CRACR2A: variants seen among roughly 807,000 people sequenced by gnomAD.
CRACR2A encodes the protein EF-hand calcium-binding domain-containing protein 4B.
A neutral mutation model predicts 90.5 loss-of-function variants in CRACR2A; 79 were observed. The ratio of observed to expected loss-of-function variants is 0.87; its 90% CI spans 0.73 to 1.05. CRACR2A has a LOEUF of 1.05. Ranked by LOEUF, CRACR2A falls within the 50% of genes least tolerant of loss-of-function variation. CRACR2A has a pLI of 0.00. For synonymous variants in CRACR2A, 338 were observed against 356.7 expected, an observed-to-expected ratio of 0.95 and a Z score of 0.59; for missense variants, 823 against 897.2, an observed-to-expected ratio of 0.92 and a Z score of 1.06.
chr12:3,751,786 T>TG (rs1946708806), intron 1 of CRACR2A, among the ~76,000 whole-genome samples: 1 of 106,916 alleles, frequency 9.4e-6, no homozygotes, highest in Non-Finnish European at 2.1e-5. Flanking sequence ...AAGCCGTACC[T>TG]GAAGCCTCTC....
chr12:3,735,355 G>C lies in CRACR2A; in HGVS notation c.-386-2145C>G, dbSNP rs1020533437. ...AAAGAAGGGTGCGGGGAGACCTGGC[G>C]CTGGGAGAGTGTTAGCAAAATGCTC... On this transcript the variant is annotated intron_variant, in intron 1 of 19. Transcript: ENST00000440314. Among the ~76,000 whole-genome samples, 5 of 152,200 alleles carry C rather than the reference G, an allele frequency of 3.3e-5. 1 individual carries two copies. In the South Asian group the frequency reaches 1.0e-3, roughly 32 times the overall value.
At chr12:3,734,529 TC>T (rs1311475793) in intron 1 of CRACR2A, among the ~76,000 whole-genome samples, 5 of 152,162 alleles carry the variant, frequency 3.3e-5, no homozygotes, top group African/African-American at 1.2e-4. Flanking sequence ...ATCTCCGCAC[TC>T]CCGTGTTCAC....
chr12:3,626,336 A>T (rs925933054), intron 17 of CRACR2A, among the ~76,000 whole-genome samples: 1 of 152,252 alleles, frequency 6.6e-6, no homozygotes, highest in Non-Finnish European at 1.5e-5. Context: ...CCATTCATTC[A>T]TCCAGGAGTT....
rs1945393267 is a variant in CRACR2A at position 3,679,004 on chromosome 12, C to A, written c.435G>T (p.Gly145=). Residue 145 remains glycine, a synonymous_variant, in exon 6 of 20, where the codon GGG becomes GGT. Coordinates refer to ENST00000440314, the MANE Select transcript of CRACR2A (RefSeq NM_001144958.2). ...RHEEKVYLSR[G]DEDLGDMGED... is the part of the protein sequence containing the mutation. ...CGCCCATGTCGCCCAGATCCTCATC[C>A]CCTCTGGACAGATACACCTTCTCTT... 4 of 1,614,000 alleles carry A rather than the reference C, an allele frequency of 2.5e-6. No individual in the cohort carries two copies. Among genetic ancestry groups the A allele is most frequent in the Non-Finnish European group, 3.4e-6 (4 of 1,179,996 alleles).
intron 9 of CRACR2A, among the ~76,000 whole-genome samples, chr12:3,655,167 C>T (rs529821603): frequency 1.4e-4 from 21 of 152,202 alleles, no homozygotes; most frequent in African/African-American, 5.1e-4. Flanking sequence ...AGGAATTTGG[C>T]GTGATTCTCA....
At chr12:3,726,428 C>T (rs1946265695) in intron 2 of CRACR2A, 2 of 152,000 alleles carry the variant, frequency 1.3e-5, no homozygotes, top group South Asian at 4.2e-4. Context: ...CTTCCACCTA[C>T]CTATAATGGT....
At chr12:3,735,215 G>C (rs10774167) in intron 1 of CRACR2A, among the ~76,000 whole-genome samples, 2 of 151,940 alleles carry the variant, frequency 1.3e-5, no homozygotes, top group Admixed American at 1.3e-4. Flanking sequence ...CCTCAATAAA[G>C]CTGGAAGAAA....
chr12:3,650,123 G>GC (rs1419310417), intron 10 of CRACR2A, among the ~76,000 whole-genome samples: 2 of 152,176 alleles, frequency 1.3e-5, no homozygotes, highest in Non-Finnish European at 2.9e-5. Flanking sequence ...CATCTCGCAA[G>GC]TTGATACAGG....
chr12:3,623,431 T>C (rs1046794901), intron 17 of CRACR2A, among the ~76,000 whole-genome samples: 1 of 152,102 alleles, frequency 6.6e-6, no homozygotes, highest in African/African-American at 2.4e-5. Context: ...CTGCAGACAC[T>C]GGGGGCCAGC....
intron 4 of CRACR2A, among the ~76,000 whole-genome samples, chr12:3,682,537 T>G (rs2137628161): frequency 6.6e-6 from 1 of 152,282 alleles, no homozygotes; most frequent in South Asian, 2.1e-4. Context: ...AAGTAATTCT[T>G]ACTACTCAAG....
chr12:3,651,727 A>G (rs1178419091), intron 10 of CRACR2A, among the ~76,000 whole-genome samples: 3 of 152,164 alleles, frequency 2.0e-5, no homozygotes, highest in African/African-American at 7.2e-5. Flanking sequence ...CGGGGCAGCA[A>G]GACCCTGTCA....
chr12:3,618,377 G>A (rs1867737473), intron 18 of CRACR2A, among the ~76,000 whole-genome samples: 1 of 152,240 alleles, frequency 6.6e-6, no homozygotes, highest in East Asian at 1.9e-4. Context: ...TCAAAGTGAG[G>A]TTACAACCAT....
At chr12:3,724,412 AG>A (rs1591713301) in intron 2 of CRACR2A, among the ~76,000 whole-genome samples, 1 of 152,204 alleles carries the variant, frequency 6.6e-6, no homozygotes, top group East Asian at 1.9e-4. Context: ...TGCAGAAAGT[AG>A]GGCATGGATC....
At chr12:3,658,572 G>A (rs757544419) in intron 8 of CRACR2A, among the ~76,000 whole-genome samples, 5 of 152,184 alleles carry the variant, frequency 3.3e-5, no homozygotes, top group Admixed American at 6.5e-5. Context: ...TGGAGGACAC[G>A]ACCAGATTTT....
chr12:3,685,058 C>G (rs1945527763), intron 4 of CRACR2A, among the ~76,000 whole-genome samples: 1 of 152,208 alleles, frequency 6.6e-6, no homozygotes, highest in East Asian at 1.9e-4. Flanking sequence ...TCCACTCATT[C>G]CCTCCGGACC....
chr12:3,696,197 A>G (rs1267478967), intron 4 of CRACR2A, among the ~76,000 whole-genome samples: 1 of 152,252 alleles, frequency 6.6e-6, no homozygotes, highest in Non-Finnish European at 1.5e-5. Flanking sequence ...TAAGGTCCAC[A>G]AAGTGGAAAA....
intron 7 of CRACR2A, among the ~76,000 whole-genome samples, chr12:3,665,887 G>A (rs1264711065): frequency 6.6e-6 from 1 of 152,212 alleles, no homozygotes; most frequent in Non-Finnish European, 1.5e-5. Context: ...ATTTTCGACT[G>A]AAGTTATACT....
intron 17 of CRACR2A, among the ~76,000 whole-genome samples, chr12:3,621,570 C>G (rs1213890555): frequency 1.6e-4 from 22 of 134,312 alleles, no homozygotes; most frequent in African/African-American, 5.9e-4. Context: ...AGAATTGCTT[C>G]AACCTGGGAG....
At chr12:3,657,366 G>C (rs1944931706) in intron 8 of CRACR2A, among the ~76,000 whole-genome samples, 1 of 152,198 alleles carries the variant, frequency 6.6e-6, no homozygotes, top group Non-Finnish European at 1.5e-5. Context: ...CATATGGAAG[G>C]ACTCTTTCCC....
Sources: allele counts gnomAD v4.1 joint callset (sites outside exome capture counted in the v4.1 genomes callset), GRCh38; gene constraint gnomAD v4.1.1; transcripts MANE v1.5; gene names NCBI Gene and HGNC (gene_info 2026-07-23, HGNC 2026-07-21).